Variants in RPTOR observed in about 807,000 individuals in gnomAD.
The protein encoded by RPTOR is regulatory-associated protein of mTOR.
A neutral mutation model predicts 169.9 loss-of-function variants in RPTOR; 21 were observed. That is an observed-to-expected ratio of 0.12 (90% confidence interval 0.09 to 0.18). RPTOR has a LOEUF of 0.18. RPTOR is among the 10% of genes least tolerant of loss of function. The pLI is 1.00. For synonymous variants in RPTOR, 732 were observed against 753.2 expected (o/e 0.97, Z 0.46); for missense variants, 1,133 against 1,855.9 (o/e 0.61, Z 7.16).
intron 3 of RPTOR, among the ~76,000 whole-genome samples, chr17:80,679,225 C>T (rs1292340443): frequency 5.3e-5 from 8 of 152,106 alleles, no homozygotes; most frequent in African/African-American, 4.8e-5. Flanking sequence ...TGCAGTGAGC[C>T]GAGATTGTGC....
intron 3 of RPTOR, among the ~76,000 whole-genome samples, chr17:80,664,545 C>T (rs1277610047): frequency 1.3e-5 from 2 of 152,038 alleles, no homozygotes; most frequent in East Asian, 3.9e-4. Context: ...TCTTCCTCAC[C>T]CCACTCTTCC....
In RPTOR at chr17:80,683,187, G is replaced by A. The variant is rs546030856; in HGVS notation, c.349-24654G>A. Among the ~76,000 whole-genome samples the A allele has an allele frequency of 1.2e-4, 18 of 152,302 alleles. 1 individual carries two copies. Among genetic ancestry groups the A allele is most frequent in the South Asian group, 1.0e-3 (5 of 4,824 alleles). On this transcript the variant is annotated intron_variant, in intron 3 of 33. Transcript: ENST00000306801. ...TGGGAGCGGACCCCGGACTACACAC[G>A]GCTTTTTGATGGCACTTCATCCTCC...
At chr17:80,713,427 T>C (rs539643315) in intron 4 of RPTOR, among the ~76,000 whole-genome samples, 25 of 152,288 alleles carry the variant, frequency 1.6e-4, no homozygotes, top group African/African-American at 6.0e-4. Context: ...TTCCTAGTAG[T>C]GGATGTTCGC....
chr17:80,741,014 A>G (rs749480730), intron 5 of RPTOR, among the ~76,000 whole-genome samples: 50 of 152,380 alleles, frequency 3.3e-4, no homozygotes, highest in Non-Finnish European at 6.2e-4. Flanking sequence ...TGGCAGCAAT[A>G]AAACAGATGG....
chr17:80,840,894 ACTCACCACACGGCAGCTCACT>A (rs1431260107), intron 10 of RPTOR, among the ~76,000 whole-genome samples: 7 of 18,406 alleles, frequency 3.8e-4, no homozygotes, highest in African/African-American at 7.0e-4. Flanking sequence ...GGCAGCTCAC[ACTCACCACACGGCAGCTCACT>A]CTCACCACAC....
chr17:80,919,630 G>C lies in RPTOR; in HGVS notation c.2521-3094G>C, dbSNP rs535265080. Among the ~76,000 whole-genome samples the C allele has an allele frequency of 3.3e-5, 5 of 152,276 alleles. No homozygotes were observed. The South Asian group carries it at 1.0e-3, about 32-fold the overall frequency. ...CAGGGTGGGTCTCATTCCAGTCCCC[G>C]CTTCAGCAGCTGCAACAGTCGGGGG... On this transcript the variant is annotated intron_variant, in intron 21 of 33. Transcript: ENST00000306801.
rs1176203446 is a variant in RPTOR at position 80,625,720 on chromosome 17, G to A, written c.192G>A (p.Leu64=). 2 of 1,613,228 alleles carry A rather than the reference G, an allele frequency of 1.2e-6. No homozygotes were observed. Among genetic ancestry groups the A allele is most frequent in the South Asian group, 2.2e-5 (2 of 91,056 alleles). Reference sequence around the variant, plus strand: ...AGACAGTCAGTGTTGCCTTAGTTTTGTGCCTGAATGTTGGTGTGGACCCTC... The same window carrying A: ...AGACAGTCAGTGTTGCCTTAGTTTTATGCCTGAATGTTGGTGTGGACCCTC... ...RMKTVSVALV[L]CLNVGVDPPD... is the part of the protein sequence containing the mutation. The change falls in exon 2 of 34, where the codon TTG becomes TTA. Residue 64 remains leucine (L), a synonymous_variant. Coordinates refer to ENST00000306801, the MANE Select transcript of RPTOR (RefSeq NM_020761.3).
chr17:80,740,332 A>C (rs1463757283), intron 5 of RPTOR, among the ~76,000 whole-genome samples: 1 of 152,238 alleles, frequency 6.6e-6, no homozygotes, highest in Admixed American at 6.5e-5. Flanking sequence ...GACTATTGCC[A>C]AATATTTAAA....
At chr17:80,610,556 G>A (rs1206185822) in intron 1 of RPTOR, among the ~76,000 whole-genome samples, 1 of 152,138 alleles carries the variant, frequency 6.6e-6, no homozygotes, top group East Asian at 1.9e-4. Flanking sequence ...TGAGGAAAGG[G>A]CAGAAGGCTG....
At chr17:80,826,310 T>G (rs1164356349) in intron 9 of RPTOR, among the ~76,000 whole-genome samples, 1 of 152,156 alleles carries the variant, frequency 6.6e-6, no homozygotes, top group East Asian at 1.9e-4. Flanking sequence ...GCAGAGGAGC[T>G]CTTCCACAAG....
intron 6 of RPTOR, among the ~76,000 whole-genome samples, chr17:80,769,552 G>A (rs915840897): frequency 6.6e-6 from 1 of 152,190 alleles, no homozygotes; most frequent in Non-Finnish European, 1.5e-5. Context: ...TGTGTGCCCG[G>A]AAAAGAGGGT....
Position 80,562,080 on chromosome 17 carries a change from T to C in RPTOR, c.162+16289T>C, listed in dbSNP as rs1200421552. ...GGAGTCTCTTGAGGGTAGGAGGAGA[T>C]GAGGGTCTGGTGGCGGCTTGGGCTG... On this transcript the variant is annotated intron_variant, in intron 1 of 33. Coordinates refer to ENST00000306801, the MANE Select transcript of RPTOR (RefSeq NM_020761.3). The surrounding 1 kb of genome is among the most constrained non-coding windows in gnomAD (Gnocchi z 4.4). Among the ~76,000 whole-genome samples the C allele has an allele frequency of 2.6e-5, 4 of 151,946 alleles. No homozygotes were observed. The highest frequency in any genetic ancestry group is 9.7e-5 in the African/African-American group (4 of 41,352).
At position 80,685,643 on chromosome 17, in the gene RPTOR, T is replaced by TTTTA. The variant is rs1555607060; in HGVS notation, c.349-22195_349-22194insATTT. Among the ~76,000 whole-genome samples the TTTTA allele has an allele frequency of 2.0e-4, 19 of 94,562 alleles. 1 individual carries two copies. Among genetic ancestry groups the TTTTA allele is most frequent in the Non-Finnish European group, 3.3e-4 (15 of 45,806 alleles). The allele number at this position is 94,562 out of a possible 152,430, so 62.0% of individuals were successfully genotyped here. A position where few individuals can be genotyped will look rare whatever the true frequency, so the allele number is the denominator to read the frequency against. On this transcript the variant is annotated intron_variant, in intron 3 of 33. Transcript: ENST00000306801. ...TATATATATATTTTTTTTTTTTTTT[T>TTTTA]TTTTTTTTTTTTTTGCTGTGAATTA...
At chr17:80,812,394 T>TG (rs2067282164) in intron 7 of RPTOR, among the ~76,000 whole-genome samples, 1 of 152,142 alleles carries the variant, frequency 6.6e-6, no homozygotes, top group Admixed American at 6.5e-5. Flanking sequence ...TACAGGTATT[T>TG]GGGGTGATTT....
intron 1 of RPTOR, among the ~76,000 whole-genome samples, chr17:80,570,796 G>A (rs1321203247): frequency 1.3e-5 from 2 of 152,164 alleles, no homozygotes; most frequent in African/African-American, 4.8e-5. Context: ...AAGTTGTTAT[G>A]TATTAATGAG....
chr17:80,665,328 T>TTTCTTTTTCCTTTCCTTTCCTTTCC (rs1567845830), intron 3 of RPTOR, among the ~76,000 whole-genome samples: 1 of 114,908 alleles, frequency 8.7e-6, no homozygotes, highest in East Asian at 2.5e-4. Context: ...TTTCTTTTCT[T>TTTCTTTTTCCTTTCCTTTCCTTTCC]TTCCCTTTCC....
intron 5 of RPTOR, among the ~76,000 whole-genome samples, chr17:80,744,755 T>A (rs571623326): frequency 0.078 from 438 of 5,630 alleles, 9 homozygotes; most frequent in East Asian, 0.34. Context: ...CTACTAGCAC[T>A]GTCCTGGCTA....
chr17:80,792,685 TA>T lies in RPTOR; in HGVS notation c.890+1186del, dbSNP rs374802790. The stretch of plus-strand genomic sequence containing the variant: ...AGAAGCATCACGTGGAAAATAACTT[TA>T]AAAAAAAAATGGGACTAGATGATCT... On this transcript the variant is annotated intron_variant, in intron 7 of 33. Transcript: ENST00000306801. Among the ~76,000 whole-genome samples the T allele has an allele frequency of 1.9e-3, 279 of 150,194 alleles. 2 individuals carry two copies. Among genetic ancestry groups the T allele is most frequent in the African/African-American group, 6.1e-3 (251 of 41,002 alleles).
intron 1 of RPTOR, among the ~76,000 whole-genome samples, chr17:80,610,343 TGTTCATG>T (rs2065261213): frequency 6.6e-6 from 1 of 152,202 alleles, no homozygotes; most frequent in African/African-American, 2.4e-5. Context: ...GTCTGAATTG[TGTTCATG>T]GAATATGTAG....
Sources: gnomAD v4.1 joint callset for allele counts (sites outside exome capture counted in the v4.1 genomes callset) on GRCh38, gnomAD v4.1.1 for gene constraint, Gnocchi (gnomAD v3.1) non-coding constraint, MANE v1.5 for transcripts, NCBI Gene and HGNC (gene_info 2026-07-23, HGNC 2026-07-21) for gene names.